CFAP263: variants seen among roughly 807,000 people sequenced by gnomAD.
The protein encoded by CFAP263 is cilia- and flagella-associated protein 263.
At chr16:58,279,644 C>A in the CFAP263 span, 5 of 1,459,534 alleles carry the variant, frequency 3.4e-6, no homozygotes, top group Middle Eastern at 1.9e-4. Context: ...CTTTCTCCCC[C>A]ATCTCCTTTA....
At chr16:58,260,006 C>T in the CFAP263 span, 173 of 907,902 alleles carry the variant, frequency 1.9e-4, no homozygotes, top group Non-Finnish European at 2.6e-4. Flanking sequence ...AAGGTTCCCA[C>T]CCCCACCCCA....
the CFAP263 span, chr16:58,254,168 T>A: frequency 1.2e-5 from 19 of 1,613,968 alleles, no homozygotes; most frequent in Non-Finnish European, 1.4e-5. Flanking sequence ...AGGTACACCT[T>A]CCTGCCAGCG....
the CFAP263 span, among the ~76,000 whole-genome samples, chr16:58,273,728 T>C: frequency 6.6e-6 from 1 of 152,334 alleles, no homozygotes; most frequent in East Asian, 1.9e-4. Flanking sequence ...TTCTTATTTC[T>C]TTGCCTATCT....
the CFAP263 span, chr16:58,259,748 A>G: frequency 4.9e-6 from 3 of 610,912 alleles, no homozygotes; most frequent in South Asian, 2.5e-5. Context: ...ACAGAATGTT[A>G]GGGCTCAAGG....
chr16:58,279,863 C>T, the CFAP263 span: 3 of 1,076,458 alleles, frequency 2.8e-6, no homozygotes, highest in African/African-American at 3.1e-5. Flanking sequence ...TCTCACTGTT[C>T]CCTGTCTGCC....
chr16:58,254,759 C>A, the CFAP263 span, among the ~76,000 whole-genome samples: 3 of 151,976 alleles, frequency 2.0e-5, no homozygotes, highest in African/African-American at 7.2e-5. Context: ...CGCCCGCCAC[C>A]ACACCCGGCT....
the CFAP263 span, chr16:58,280,737 C>A: frequency 6.2e-7 from 1 of 1,606,122 alleles, no homozygotes; most frequent in Non-Finnish European, 8.5e-7. Flanking sequence ...GCTGGCACAT[C>A]ATTGGGCTTC....
At chr16:58,257,885 A>T in the CFAP263 span, among the ~76,000 whole-genome samples, 1 of 152,096 alleles carries the variant, frequency 6.6e-6, no homozygotes, top group Admixed American at 6.5e-5. Context: ...AGGTGGGCGG[A>T]TCACCTGAGG....
At chr16:58,257,014 C>CTTTTTTTTTTTTTTTTTTTTT in the CFAP263 span, among the ~76,000 whole-genome samples, 3 of 41,928 alleles carry the variant, frequency 7.2e-5, 1 homozygote, top group Admixed American at 7.7e-4. Flanking sequence ...ATATGAATTT[C>CTTTTTTTTTTTTTTTTTTTTT]TTTTTTTTTT....
chr16:58,253,940 T>A, the CFAP263 span: 2 of 1,596,234 alleles, frequency 1.3e-6, no homozygotes, highest in South Asian at 2.2e-5. Context: ...ATGCCTATCT[T>A]GGGCTGGTTC....
the CFAP263 span, among the ~76,000 whole-genome samples, chr16:58,267,225 G>T: frequency 2.6e-5 from 4 of 152,110 alleles, no homozygotes; most frequent in African/African-American, 7.2e-5. Flanking sequence ...TCCTTAGTGA[G>T]TAGTAGGGCA....
At chr16:58,278,507 A>T in the CFAP263 span, 1 of 1,614,176 alleles carries the variant, frequency 6.2e-7, no homozygotes, top group Non-Finnish European at 8.5e-7. Context: ...GAGGCAGTGA[A>T]TAAGAGGCTC....
chr16:58,256,447 C>T, the CFAP263 span, among the ~76,000 whole-genome samples: 1 of 152,022 alleles, frequency 6.6e-6, no homozygotes, highest in East Asian at 1.9e-4. Flanking sequence ...AAGAAGGGCA[C>T]CCCAGGTAAG....
chr16:58,280,890 A>T, the CFAP263 span: 9 of 791,902 alleles, frequency 1.1e-5, no homozygotes, highest in Non-Finnish European at 1.2e-5. Flanking sequence ...AAATTATAGG[A>T]TACAATTTCA....
the CFAP263 span, chr16:58,283,644 G>A: frequency 2.0e-5 from 3 of 152,098 alleles, no homozygotes; most frequent in Non-Finnish European, 4.4e-5. Flanking sequence ...GCAGAATTTT[G>A]TTAAAAAGCT....
the CFAP263 span, chr16:58,279,816 T>C: frequency 6.8e-7 from 1 of 1,476,334 alleles, no homozygotes; most frequent in Admixed American, 1.8e-5. Flanking sequence ...CTACATGACC[T>C]ATAAAAGTAA....
the CFAP263 span, among the ~76,000 whole-genome samples, chr16:58,253,421 G>A: frequency 6.6e-6 from 1 of 151,756 alleles, no homozygotes; most frequent in East Asian, 1.9e-4. Flanking sequence ...TAAATTGAGG[G>A]ACTCAACTGT....
At chr16:58,267,368 G>T in the CFAP263 span, 1 of 751,760 alleles carries the variant, frequency 1.3e-6, no homozygotes, top group Non-Finnish European at 2.3e-6. Context: ...AAGGCAATTT[G>T]GACTTTCTGG....
At chr16:58,261,532 A>T in the CFAP263 span, among the ~76,000 whole-genome samples, 1 of 152,222 alleles carries the variant, frequency 6.6e-6, no homozygotes, top group Non-Finnish European at 1.5e-5. Flanking sequence ...GAAAAGGTGT[A>T]TATGTGTAAT....
Sources: gnomAD v4.1 joint callset for allele counts (sites outside exome capture counted in the v4.1 genomes callset) on GRCh38, gnomAD v4.1.1 for gene constraint, MANE v1.5 for transcripts, NCBI Gene and HGNC (gene_info 2026-07-23, HGNC 2026-07-21) for gene names.